SMG6: variants seen among roughly 807,000 people sequenced by gnomAD.
SMG6 encodes the protein SMG6 nonsense mediated mRNA decay factor, also known as telomerase-binding protein EST1A.
In SMG6, 66 loss-of-function variants were observed where a neutral mutation model predicts 142.2. The ratio of observed to expected loss-of-function variants is 0.46; its 90% CI spans 0.38 to 0.57. The LOEUF (loss-of-function observed/expected upper bound fraction) is 0.57. Ranked by LOEUF, SMG6 falls within the 20% of genes least tolerant of loss-of-function variation. The pLI, the probability that SMG6 is intolerant of heterozygous loss-of-function variation, is 0.00. For missense variants in SMG6, 1,793 were observed against 1,832.0 expected, an observed-to-expected ratio of 0.98 and a Z score of 0.39; for synonymous variants, 779 against 702.4, an observed-to-expected ratio of 1.11 and a Z score of -1.72.
chr17:2,091,224 A>T (rs1355273389), intron 13 of SMG6, among the ~76,000 whole-genome samples: 3 of 152,226 alleles, frequency 2.0e-5, no homozygotes, highest in African/African-American at 7.2e-5. Flanking sequence ...AATACCACAC[A>T]GGGAATCCTC....
chr17:2,108,998 T>G (rs1460757165), intron 13 of SMG6, among the ~76,000 whole-genome samples: 1 of 152,208 alleles, frequency 6.6e-6, no homozygotes. Context: ...ATGAAATAAC[T>G]AATGTCATCC....
intron 10 of SMG6, among the ~76,000 whole-genome samples, chr17:2,221,076 C>T (rs1219463418): frequency 1.3e-5 from 2 of 152,138 alleles, no homozygotes; most frequent in Admixed American, 6.5e-5. Flanking sequence ...ATTCAAGAGA[C>T]CAGAAAGGAC....
At chr17:2,154,926 C>T (rs902445120) in intron 13 of SMG6, among the ~76,000 whole-genome samples, 1 of 152,004 alleles carries the variant, frequency 6.6e-6, no homozygotes, top group Non-Finnish European at 1.5e-5. Flanking sequence ...GTCCCAGCTA[C>T]TCAGAAGCTG....
At chr17:2,169,392 T>G (rs2071435859) in intron 13 of SMG6, among the ~76,000 whole-genome samples, 1 of 152,106 alleles carries the variant, frequency 6.6e-6, no homozygotes. Flanking sequence ...CAGAAGTACC[T>G]AGCTCAGGGA....
intron 8 of SMG6, among the ~76,000 whole-genome samples, chr17:2,258,310 C>A (rs142426495): frequency 6.6e-6 from 1 of 151,782 alleles, no homozygotes; most frequent in African/African-American, 2.4e-5. Flanking sequence ...AATCCCAGCA[C>A]TTTGGGAGGC....
At chr17:2,095,429 G>A (rs561630585) in intron 13 of SMG6, among the ~76,000 whole-genome samples, 8 of 152,234 alleles carry the variant, frequency 5.3e-5, no homozygotes, top group Non-Finnish European at 8.8e-5. Flanking sequence ...GTGGACTCTC[G>A]GAGACATCTG....
chr17:2,259,706 A>G (rs1354675358), intron 8 of SMG6, among the ~76,000 whole-genome samples: 1 of 150,992 alleles, frequency 6.6e-6, no homozygotes, highest in Admixed American at 6.6e-5. Flanking sequence ...TTCAAGGAAT[A>G]TGTGTGCATT....
chr17:2,264,455 C>A (rs2074379713), intron 8 of SMG6, among the ~76,000 whole-genome samples: 1 of 152,204 alleles, frequency 6.6e-6, no homozygotes, highest in South Asian at 2.1e-4. Context: ...ACCTCAAAAT[C>A]ATCTGGATAT....
At position 2,303,181 on chromosome 17, in the gene SMG6, G is replaced by A. The variant is rs987688019; in HGVS notation, c.88+452C>T. On this transcript the variant is annotated intron_variant, in intron 1 of 18. Transcript: ENST00000263073. ...TCTTGGGGGGGAAAAGTTCAGCAAC[G>A]AAGTCGCAGGCTCTTAAACCTTTCT... 3.9e-5 allele frequency: 38 copies of A among 985,332 alleles called. No homozygotes were observed. The African/African-American group carries it at 6.5e-4, about 17-fold the overall frequency. The allele number at this position is 985,332 out of a possible 1,614,324, so 61.0% of individuals were successfully genotyped here.
Position 2,292,572 on chromosome 17 carries a change from C to A in SMG6, c.2317G>T (p.Ala773Ser). 6.2e-7 allele frequency: 1 copy of A among 1,614,210 alleles called. No homozygotes were observed. The highest frequency in any genetic ancestry group is 8.5e-7 in the Non-Finnish European group (1 of 1,180,034). Residue 773 changes from alanine (A) to serine (S), a missense_variant, in exon 6 of 19, where the codon GCT becomes TCT. By Grantham distance (99) the Ala-to-Ser change is moderately conservative (BLOSUM62 1). Around this residue, in one of 3 missense-constraint regions of SMG6, gnomAD observed 1,597 missense variants for 1,584.6 expected, o/e 1.01. Coordinates refer to ENST00000263073, the MANE Select transcript of SMG6 (RefSeq NM_017575.5). ...CTTACCGTATACACTGCCAGCAAAG[C>A]CAACTGGTTATAGGGGCGCCCATTC... The part of the protein sequence containing the change: ...PKNGRPYNQL[A>S]LLAVYTRRKL...
intron 8 of SMG6, among the ~76,000 whole-genome samples, chr17:2,252,405 A>AG (rs1567719588): frequency 1.3e-5 from 2 of 151,766 alleles, no homozygotes; most frequent in East Asian, 1.9e-4. Context: ...ACTCAAAAAA[A>AG]ATAAAGAAAA....
At chr17:2,171,910 C>A (rs2071515015) in intron 13 of SMG6, among the ~76,000 whole-genome samples, 1 of 152,072 alleles carries the variant, frequency 6.6e-6, no homozygotes, top group Non-Finnish European at 1.5e-5. Context: ...CCACACAGCA[C>A]TTCGCTCCCA....
intron 8 of SMG6, among the ~76,000 whole-genome samples, chr17:2,263,907 G>C (rs1192530157): frequency 6.6e-6 from 1 of 152,164 alleles, no homozygotes; most frequent in Non-Finnish European, 1.5e-5. Context: ...TAAGAGCAAA[G>C]AGGGATTTTA....
At chr17:2,263,346 T>G (rs972101432) in intron 8 of SMG6, among the ~76,000 whole-genome samples, 1 of 152,164 alleles carries the variant, frequency 6.6e-6, no homozygotes, top group Admixed American at 6.6e-5. Context: ...TCATAGAGGC[T>G]GATGACACAC....
intron 12 of SMG6, among the ~76,000 whole-genome samples, chr17:2,173,592 G>T (rs2071570858): frequency 6.6e-6 from 1 of 152,104 alleles, no homozygotes; most frequent in South Asian, 2.1e-4. Flanking sequence ...CCCAGTTTTA[G>T]CACTGAAAGT....
intron 1 of SMG6, 168 bp downstream of exon 1, chr17:2,303,465 A>G (rs1244608141): frequency 4.6e-6 from 6 of 1,318,076 alleles, no homozygotes; most frequent in Non-Finnish European, 5.8e-6. Context: ...CCCCGCACTA[A>G]CCCGCGAGAG....
intron 10 of SMG6, among the ~76,000 whole-genome samples, chr17:2,193,590 T>A (rs1597568496): frequency 1.3e-5 from 2 of 152,278 alleles, no homozygotes; most frequent in African/African-American, 2.4e-5. Flanking sequence ...AAATGACTTC[T>A]CCCATTAATT....
chr17:2,170,147 T>TA (rs1307393799), intron 13 of SMG6, among the ~76,000 whole-genome samples: 1 of 152,182 alleles, frequency 6.6e-6, no homozygotes, highest in Non-Finnish European at 1.5e-5. Context: ...TTGGACATGT[T>TA]AGGTTTGACA....
rs61451940 is a variant in SMG6 at position 2,145,643 on chromosome 17, C to CAAAAAAAAAAAA, written c.3357+27003_3357+27014dup. Among the ~76,000 whole-genome samples the CAAAAAAAAAAAA allele has an allele frequency of 3.8e-4, 9 of 23,776 alleles. 2 individuals carry two copies. Among genetic ancestry groups the CAAAAAAAAAAAA allele is most frequent in the South Asian group, 5.6e-3 (2 of 358 alleles). 15.6% of individuals were successfully genotyped at this position (23,776 alleles called of 152,430 possible). ...GTGACAGAGCAAGGCTCCATCTCCC[C>CAAAAAAAAAAAA]AAAAAAAAAAAAAAAAAAAAAAAGC... On this transcript the variant is annotated intron_variant, in intron 13 of 18. Coordinates refer to ENST00000263073, the MANE Select transcript of SMG6 (RefSeq NM_017575.5).
Sources: allele counts gnomAD v4.1 joint callset (sites outside exome capture counted in the v4.1 genomes callset), GRCh38; gene constraint gnomAD v4.1.1; regional missense constraint gnomAD v4.1.1; transcripts MANE v1.5; gene names NCBI Gene and HGNC (gene_info 2026-07-23, HGNC 2026-07-21).